Variants in TUBGCP3 observed in about 807,000 individuals in gnomAD.
The protein encoded by TUBGCP3 is gamma-tubulin complex component 3.
In TUBGCP3, 50 loss-of-function variants were observed where a neutral mutation model predicts 123.1. That is an observed-to-expected ratio of 0.41 (90% CI 0.32 to 0.51). TUBGCP3 has a LOEUF of 0.51. TUBGCP3 is among the 20% of genes least tolerant of loss of function. TUBGCP3 has a pLI of 0.36. For synonymous variants in TUBGCP3, 405 were observed against 413.9 expected (o/e 0.98, Z 0.26); for missense variants, 882 against 1,127.0 (o/e 0.78, Z 3.11).
At chr13:112,494,035 C>T (rs552886145) in intron 20 of TUBGCP3, among the ~76,000 whole-genome samples, 2 of 150,740 alleles carry the variant, frequency 1.3e-5, no homozygotes, top group African/African-American at 4.9e-5. Flanking sequence ...GACACTCTAG[C>T]TTTGGGAATG....
chr13:112,503,400 C>T (rs1455307379), intron 19 of TUBGCP3, among the ~76,000 whole-genome samples: 1 of 152,118 alleles, frequency 6.6e-6, no homozygotes, highest in Non-Finnish European at 1.5e-5. Flanking sequence ...GACAGTGTCT[C>T]GATCTGTTGC....
At chr13:112,541,662 T>C (rs1192115590) in intron 11 of TUBGCP3, among the ~76,000 whole-genome samples, 1 of 152,090 alleles carries the variant, frequency 6.6e-6, no homozygotes. Flanking sequence ...GACAGAAGTA[T>C]TGCAAATTAC....
rs763801609 is a variant in TUBGCP3 at position 112,569,237 on chromosome 13, C to T, written c.99G>A (p.Gln33=). Residue 33 remains glutamine (Q), a synonymous_variant, in exon 2 of 22, where the codon CAG becomes CAA. Coordinates refer to ENST00000261965, the MANE Select transcript of TUBGCP3 (RefSeq NM_006322.6). ...TGCTGCCAATCACCCGCACAGCATACTGGAACTGCTGGGCTACATCAGCTG... is the reference window on the plus strand; with the variant it reads ...TGCTGCCAATCACCCGCACAGCATATTGGAACTGCTGGGCTACATCAGCTG... ...RSEADVAQQF[Q]YAVRVIGSNF... The T allele has an allele frequency of 6.2e-7, 1 of 1,614,152 alleles. No homozygotes were observed. The highest frequency in any genetic ancestry group is 8.5e-7 in the Non-Finnish European group (1 of 1,180,020).
intron 1 of TUBGCP3, among the ~76,000 whole-genome samples, chr13:112,584,670 T>C (rs746081474): frequency 3.9e-5 from 6 of 152,254 alleles, no homozygotes; most frequent in Admixed American, 6.5e-5. Flanking sequence ...ACTGTAGTCA[T>C]ACCTGAACAT....
At position 112,534,415 on chromosome 13, in the gene TUBGCP3, A is replaced by C. The variant is rs550446755; in HGVS notation, c.1336-6931T>G. On this transcript the variant is annotated intron_variant, in intron 11 of 21. Coordinates refer to ENST00000261965, the MANE Select transcript of TUBGCP3 (RefSeq NM_006322.6). Reference sequence around the variant, plus strand: ...CAAAAAATTAGCCGGGCGTGGTGGCAAGGCGCCTGTGGTCCCAGCTAATCA... The same window carrying C: ...CAAAAAATTAGCCGGGCGTGGTGGCCAGGCGCCTGTGGTCCCAGCTAATCA... 2.0e-5 allele frequency among the ~76,000 whole-genome samples: 3 copies of C among 152,194 alleles called. No homozygotes were observed. The South Asian group carries it at 6.2e-4, about 32-fold the overall frequency.
intron 1 of TUBGCP3, among the ~76,000 whole-genome samples, chr13:112,573,416 GA>G (rs1881566305): frequency 6.6e-6 from 1 of 152,202 alleles, no homozygotes; most frequent in Admixed American, 6.5e-5. Flanking sequence ...AGTGGGGAGG[GA>G]GAAACCTGGA....
chr13:112,546,012 G>C (rs1878958255), intron 10 of TUBGCP3, 147 bp from the exon 11 acceptor site: 1 of 794,356 alleles, frequency 1.3e-6, no homozygotes, highest in Non-Finnish European at 1.9e-6. Context: ...GGACCTAGAA[G>C]CAGCAGTAAC....
At chr13:112,523,754 C>T (rs1876817370) in intron 13 of TUBGCP3, among the ~76,000 whole-genome samples, 1 of 152,224 alleles carries the variant, frequency 6.6e-6, no homozygotes, top group Admixed American at 6.5e-5. Flanking sequence ...TCGGAACTCT[C>T]TTTGCTCCTT....
chr13:112,487,459 G>A (rs189524443), intron 21 of TUBGCP3, among the ~76,000 whole-genome samples: 39 of 152,312 alleles, frequency 2.6e-4, no homozygotes, highest in Admixed American at 2.4e-3. Context: ...AACTCCCTCA[G>A]GGAAATGTGT....
At chr13:112,536,022 T>C (rs1048146193) in intron 11 of TUBGCP3, among the ~76,000 whole-genome samples, 3 of 152,262 alleles carry the variant, frequency 2.0e-5, no homozygotes, top group Non-Finnish European at 4.4e-5. Flanking sequence ...ATACGCTTTT[T>C]ATCTCCATTG....
the TUBGCP3 span, among the ~76,000 whole-genome samples, chr13:112,598,353 C>T: frequency 4.0e-5 from 6 of 151,272 alleles, no homozygotes; most frequent in African/African-American, 1.2e-4. Flanking sequence ...AAGGCTAGCA[C>T]TGTAGGCAGG....
chr13:112,515,114 C>T (rs1000231731), intron 17 of TUBGCP3, among the ~76,000 whole-genome samples: 1 of 152,126 alleles, frequency 6.6e-6, no homozygotes, highest in African/African-American at 2.4e-5. Flanking sequence ...TATTAGTTAT[C>T]TCCAACTAGA....
intron 11 of TUBGCP3, among the ~76,000 whole-genome samples, chr13:112,530,506 G>A (rs553289303): frequency 6.6e-6 from 1 of 152,284 alleles, no homozygotes; most frequent in South Asian, 2.1e-4. Flanking sequence ...TCCAACCAAC[G>A]GCGCACACAG....
In TUBGCP3 at chr13:112,526,978, T is replaced by C; in HGVS notation, c.1519A>G (p.Ile507Val). ...GACTCTGCAGACTTGGTCACAGCTA[T>C]CATCTTTGTAGTGGGAGTCTGATCA... ...CHDQTPTTKM[I>V]AVTKSAESPQ... The change falls in exon 13 of 22, where the codon ATA (isoleucine) becomes GTA (valine). Residue 507 changes from isoleucine (I) to valine (V), a missense_variant. By Grantham distance (29) the Ile-to-Val change is conservative. This residue lies in a region of TUBGCP3 where 713 missense variants were observed against 874.0 expected (regional missense o/e 0.82). Coordinates refer to ENST00000261965, the MANE Select transcript of TUBGCP3 (RefSeq NM_006322.6). The C allele has an allele frequency of 1.9e-6, 3 of 1,614,216 alleles. No individual in the cohort carries two copies. The highest frequency in any genetic ancestry group is 2.5e-6 in the Non-Finnish European group (3 of 1,180,026).
intron 8 of TUBGCP3, among the ~76,000 whole-genome samples, chr13:112,549,956 C>T (rs1226938476): frequency 7.5e-6 from 1 of 134,226 alleles, no homozygotes; most frequent in Non-Finnish European, 1.5e-5. Context: ...CAACACTGCA[C>T]TTCAGCCTGG....
intron 11 of TUBGCP3, among the ~76,000 whole-genome samples, chr13:112,541,403 G>A (rs982131501): frequency 1.7e-4 from 26 of 152,084 alleles, no homozygotes; most frequent in African/African-American, 3.6e-4. Flanking sequence ...TTAGCTGGGC[G>A]AGGTGGCACG....
intron 11 of TUBGCP3, among the ~76,000 whole-genome samples, chr13:112,540,074 G>C (rs1878388099): frequency 6.7e-6 from 1 of 149,224 alleles, no homozygotes. Flanking sequence ...ACCTGGGAAT[G>C]AGGACGTCAA....
chr13:112,583,087 C>T (rs376252488), intron 1 of TUBGCP3, among the ~76,000 whole-genome samples: 1 of 152,136 alleles, frequency 6.6e-6, no homozygotes, highest in Non-Finnish European at 1.5e-5. Flanking sequence ...TTTACTAGCT[C>T]GATGATAGTG....
chr13:112,542,866 G>A (rs781382064), intron 11 of TUBGCP3, among the ~76,000 whole-genome samples: 141 of 152,198 alleles, frequency 9.3e-4, no homozygotes, highest in Non-Finnish European at 1.6e-3. Context: ...AAGAGTGTAG[G>A]GCCAGGCACG....
Sources: gnomAD v4.1 joint callset for allele counts (sites outside exome capture counted in the v4.1 genomes callset) on GRCh38, gnomAD v4.1.1 for gene constraint, gnomAD v4.1.1 regional missense constraint, MANE v1.5 for transcripts, NCBI Gene and HGNC (gene_info 2026-07-23, HGNC 2026-07-21) for gene names.